TSPAN7: variants seen among roughly 807,000 people sequenced by gnomAD.
TSPAN7 encodes the protein tetraspanin-7.
In TSPAN7, 1 loss-of-function variant was observed where a neutral mutation model predicts 17.6. That is an observed-to-expected ratio of 0.06 (90% CI 0.02 to 0.27). TSPAN7 has a LOEUF of 0.27. Among genes scored for constraint, TSPAN7 ranks in the 10% least tolerant of loss-of-function variants. TSPAN7 has a pLI of 1.00. For synonymous variants in TSPAN7, 78 were observed against 79.0 expected, an observed-to-expected ratio of 0.99 and a Z score of 0.07; for missense variants, 112 against 201.7, an observed-to-expected ratio of 0.56 and a Z score of 2.69.
intron 5 of TSPAN7, 62 bp from the exon 6 acceptor site, chrX:38,681,142 C>A: frequency 2.1e-6 from 2 of 967,508 alleles, no homozygotes; most frequent in Non-Finnish European, 3.0e-6. Flanking sequence ...GTTTCGAGTA[C>A]ACATAGCCCA....
intron 1 of TSPAN7, among the ~76,000 whole-genome samples, chrX:38,640,960 C>G (rs1442896060): frequency 8.9e-6 from 1 of 112,476 alleles, no homozygotes; most frequent in Non-Finnish European, 1.9e-5. Flanking sequence ...ACCCACTATA[C>G]CTCTGTGAGA....
chrX:38,576,819 C>G (rs952013693), intron 1 of TSPAN7, among the ~76,000 whole-genome samples: 1 of 111,693 alleles, frequency 9.0e-6, no homozygotes, highest in African/African-American at 3.3e-5. Context: ...TAGACATAAG[C>G]CTTATTGTGG....
intron 1 of TSPAN7, chrX:38,646,139 C>T (rs2069644612): frequency 3.4e-6 from 2 of 595,043 alleles, no homozygotes; most frequent in Non-Finnish European, 4.7e-6. Context: ...AGTTGGTGTA[C>T]TTTCTATAAA....
chrX:38,582,009 A>T (rs1163369421), intron 1 of TSPAN7, among the ~76,000 whole-genome samples: 1 of 112,763 alleles, frequency 8.9e-6, no homozygotes, highest in East Asian at 2.8e-4. Context: ...GGTAAGGCTC[A>T]TTGGCACATG....
intron 1 of TSPAN7, among the ~76,000 whole-genome samples, chrX:38,605,407 A>C (rs1197439939): frequency 9.0e-6 from 1 of 111,070 alleles, no homozygotes; most frequent in Non-Finnish European, 1.9e-5. Context: ...AAGGAAGTAA[A>C]AGAGGATACA....
At chrX:38,638,525 C>T (rs1282754125) in intron 1 of TSPAN7, among the ~76,000 whole-genome samples, 4 of 111,776 alleles carry the variant, frequency 3.6e-5, no homozygotes, top group African/African-American at 1.3e-4. Context: ...TTATGTAGAT[C>T]GTGGTCAAGT....
At chrX:38,661,933 TTGA>T (rs1281524335) in intron 1 of TSPAN7, among the ~76,000 whole-genome samples, 7 of 111,623 alleles carry the variant, frequency 6.3e-5, no homozygotes. Flanking sequence ...TGAATGTGTG[TTGA>T]TGAGAGCCAA....
chrX:38,599,067 A>G (rs1190251630), intron 1 of TSPAN7, among the ~76,000 whole-genome samples: 1 of 111,804 alleles, frequency 8.9e-6, no homozygotes, highest in Non-Finnish European at 1.9e-5. Flanking sequence ...AACACTGCGG[A>G]TGAATCTTAT....
At chrX:38,575,812 G>T in intron 1 of TSPAN7, among the ~76,000 whole-genome samples, 1 of 111,931 alleles carries the variant, frequency 8.9e-6, no homozygotes, top group Non-Finnish European at 1.9e-5. Flanking sequence ...TAAAAAGCTT[G>T]TCAGACTATT....
chrX:38,583,899 T>C (rs2069240817), intron 1 of TSPAN7, among the ~76,000 whole-genome samples: 1 of 110,682 alleles, frequency 9.0e-6, no homozygotes, highest in Non-Finnish European at 1.9e-5. Context: ...TAATCAATTA[T>C]TTTAGCATGA....
chrX:38,583,169 A>G (rs2069236823), intron 1 of TSPAN7, among the ~76,000 whole-genome samples: 3 of 112,542 alleles, frequency 2.7e-5, no homozygotes, highest in Admixed American at 9.4e-5. Context: ...AAGACCCATT[A>G]TGGTCCTCAC....
chrX:38,573,880 C>T (rs1188494639), intron 1 of TSPAN7, among the ~76,000 whole-genome samples: 1 of 111,562 alleles, frequency 9.0e-6, no homozygotes, highest in African/African-American at 3.3e-5. Context: ...CTATTTCAAT[C>T]ATATCATATT....
At chrX:38,616,441 G>C (rs2069456488) in intron 1 of TSPAN7, among the ~76,000 whole-genome samples, 1 of 112,006 alleles carries the variant, frequency 8.9e-6, no homozygotes, top group African/African-American at 3.3e-5. Context: ...GCAGGGCAGA[G>C]TTCCTGCCTC....
chrX:38,632,741 C>G (rs2069557553), intron 1 of TSPAN7, among the ~76,000 whole-genome samples: 1 of 112,433 alleles, frequency 8.9e-6, no homozygotes, highest in African/African-American at 3.2e-5. Context: ...GGAGGGAACA[C>G]TATAAGGCTT....
At chrX:38,606,932 A>G (rs985770768) in intron 1 of TSPAN7, among the ~76,000 whole-genome samples, 1 of 111,800 alleles carries the variant, frequency 8.9e-6, no homozygotes, top group Non-Finnish European at 1.9e-5. Flanking sequence ...AGAACTCCCT[A>G]CATTTCAGAG....
intron 1 of TSPAN7, among the ~76,000 whole-genome samples, chrX:38,617,813 T>A (rs967581437): frequency 8.9e-6 from 1 of 111,968 alleles, no homozygotes; most frequent in African/African-American, 3.3e-5. Flanking sequence ...GGCTTACCCA[T>A]CCATTTGATC....
chrX:38,580,626 T>C (rs1658813070), intron 1 of TSPAN7, among the ~76,000 whole-genome samples: 1 of 112,191 alleles, frequency 8.9e-6, no homozygotes, highest in Non-Finnish European at 1.9e-5. Context: ...CTACAATTAA[T>C]AGCTACTACT....
At chrX:38,667,202 G>T (rs1477210994) in intron 2 of TSPAN7, among the ~76,000 whole-genome samples, 1 of 111,673 alleles carries the variant, frequency 9.0e-6, no homozygotes, top group African/African-American at 3.3e-5. Flanking sequence ...ACTCTCATGG[G>T]ACAGATAAAG....
intron 1 of TSPAN7, among the ~76,000 whole-genome samples, chrX:38,631,488 C>G (rs2069551342): frequency 9.0e-6 from 1 of 111,308 alleles, no homozygotes; most frequent in East Asian, 2.8e-4. Flanking sequence ...TAGAAAGTTC[C>G]CACTCTGATC....
Sources: allele counts gnomAD v4.1 joint callset (sites outside exome capture counted in the v4.1 genomes callset), GRCh38; gene constraint gnomAD v4.1.1; transcripts MANE v1.5; gene names NCBI Gene and HGNC (gene_info 2026-07-23, HGNC 2026-07-21).